EPS8L2: variants seen among roughly 807,000 people sequenced by gnomAD.
EPS8L2 encodes EPS8 signaling adaptor L2, also known as epidermal growth factor receptor kinase substrate 8-like protein 2.
Under a neutral mutation model 99.4 loss-of-function variants are expected in EPS8L2, and 81 were observed. The ratio of observed to expected loss-of-function variants is 0.82; its 90% CI spans 0.68 to 0.98. EPS8L2 has a LOEUF of 0.98. Among genes scored for constraint, EPS8L2 ranks in the 50% least tolerant of loss-of-function variants. EPS8L2 has a pLI of 0.00. For missense variants in EPS8L2, 1,155 were observed against 968.8 expected (o/e 1.19, Z -2.55); for synonymous variants, 509 against 407.3 (o/e 1.25, Z -3.01).
At chr11:721,790 A>G (rs571100216) in intron 10 of EPS8L2, 99 bp downstream of exon 10, 21 of 1,487,542 alleles carry the variant, frequency 1.4e-5, no homozygotes, top group Non-Finnish European at 1.8e-5. Context: ...CATGGGGGCT[A>G]CTCATGGAGG....
chr11:726,234 G>GGA (rs1209729298), intron 18 of EPS8L2, 64 bp downstream of exon 18: 1 of 1,566,498 alleles, frequency 6.4e-7, no homozygotes. Flanking sequence ...GGAAGTGTGG[G>GGA]GGGGGTCCCT....
At chr11:717,169 G>GT (rs1372945126) in intron 4 of EPS8L2, among the ~76,000 whole-genome samples, 1 of 152,088 alleles carries the variant, frequency 6.6e-6, no homozygotes, top group Non-Finnish European at 1.5e-5. Context: ...TAGAGACGGG[G>GT]TATCACCGTG....
chr11:720,284 G>C, intron 5 of EPS8L2, 61 bp downstream of exon 5: 1 of 1,554,846 alleles, frequency 6.4e-7, no homozygotes, highest in Non-Finnish European at 8.8e-7. Context: ...GCAGCCACCG[G>C]CTGCAGCCCG....
At chr11:714,069 T>G (rs1182256540) in intron 4 of EPS8L2, among the ~76,000 whole-genome samples, 1 of 152,218 alleles carries the variant, frequency 6.6e-6, no homozygotes, top group Non-Finnish European at 1.5e-5. Flanking sequence ...TTAATTTTTA[T>G]GATGTCCATT....
In EPS8L2 at chr11:721,160, G is replaced by A. The variant is rs1200038073; in HGVS notation, c.654G>A (p.Pro218=). 6.5e-7 allele frequency: 1 copy of A among 1,535,956 alleles called. No homozygotes were observed. The change falls in exon 8 of 21, where the codon CCG becomes CCA. Residue 218 remains proline, a synonymous_variant. Transcript: ENST00000318562. ...TCCAGCACCGCGGCGGGGATTCCCC[G>A]GAGGCCAAGAATCGCGTGGGCCCGC... The part of the protein sequence containing the change: ...IPFQHRGGDS[P]EAKNRVGPQV...
chr11:723,215 A>C, intron 14 of EPS8L2, 26 bp from the exon 15 acceptor site: 1 of 1,402,006 alleles, frequency 7.1e-7, no homozygotes, highest in South Asian at 1.2e-5. Context: ...CCCATGTCTA[A>C]CTCAGGTCGC....
chr11:710,506 T>A lies in EPS8L2; in HGVS notation c.165+20T>A, dbSNP rs775334536. ...GTCCAGGTAAGGCCCCGCCCCCAGG[T>A]AGGCTCCGCCCCCAGGGAGCACCCT... is the stretch of plus-strand genomic sequence containing the variant. On this transcript the variant is annotated intron_variant, in intron 4 of 20. Coordinates refer to ENST00000318562, the MANE Select transcript of EPS8L2 (RefSeq NM_022772.4). 2 of 1,610,428 alleles carry A rather than the reference T, an allele frequency of 1.2e-6. No individual in the cohort carries two copies. The highest frequency in any genetic ancestry group is 1.7e-5 in the Admixed American group (1 of 60,002).
Position 721,271 on chromosome 11 carries a change from G to C in EPS8L2, c.701-14G>C, listed in dbSNP as rs921493585. The C allele has an allele frequency of 1.9e-6, 3 of 1,539,556 alleles. No homozygotes were observed. Among genetic ancestry groups the C allele is most frequent in the Admixed American group, 2.0e-5 (1 of 50,796 alleles). The stretch of plus-strand genomic sequence containing the variant: ...GTGGGGGGCTCGGTGAGCAGCCGCC[G>C]TGTCCCCCATCAGGTTTCCGCCGTC... On this transcript the variant is annotated splice_polypyrimidine_tract_variant and intron_variant, in intron 8 of 20. Transcript: ENST00000318562.
At chr11:725,939 C>G in intron 17 of EPS8L2, 92 bp downstream of exon 17, 2 of 1,376,654 alleles carry the variant, frequency 1.5e-6, no homozygotes. Flanking sequence ...AGCCCCGCGG[C>G]TGGAGAGACT....
At position 720,924 on chromosome 11, in the gene EPS8L2, G is replaced by A. The variant is rs1354817893; in HGVS notation, c.557+15G>A. On this transcript the variant is annotated intron_variant, in intron 7 of 20. Transcript: ENST00000318562. ...CAGACCCTGAAGTAGGGCAGCGGGC[G>A]GAGCGGGGTCGCAGGGGGCGGGGAG... 4.6e-6 allele frequency: 7 copies of A among 1,528,718 alleles called. No individual in the cohort carries two copies. Among genetic ancestry groups the A allele is most frequent in the Non-Finnish European group, 6.1e-6 (7 of 1,143,756 alleles). The allele number at this position is 1,528,718 out of a possible 1,614,324, so 94.7% of individuals were successfully genotyped here.
chr11:723,179 C>A, intron 14 of EPS8L2, 62 bp from the exon 15 acceptor site: 1 of 802,506 alleles, frequency 1.2e-6, no homozygotes, highest in South Asian at 1.6e-5. Context: ...TGTCATATGC[C>A]CCCTCGTCCT....
intron 14 of EPS8L2, 131 bp downstream of exon 14, chr11:722,936 T>C (rs60684916): frequency 9.3e-6 from 2 of 216,146 alleles, no homozygotes; most frequent in Non-Finnish European, 1.5e-5. Context: ...CCCTCCCCAG[T>C]GCTCCCCTCC....
intron 4 of EPS8L2, among the ~76,000 whole-genome samples, chr11:711,204 A>G (rs542347247): frequency 1.3e-5 from 2 of 152,136 alleles, no homozygotes; most frequent in East Asian, 1.9e-4. Flanking sequence ...TTTCATTGAC[A>G]CGGAGAACTC....
intron 1 of EPS8L2, among the ~76,000 whole-genome samples, chr11:707,247 C>T (rs1590043933): frequency 6.6e-6 from 1 of 152,198 alleles, no homozygotes; most frequent in South Asian, 2.1e-4. Context: ...CTTTCCCACC[C>T]TCAGCTTCCC....
chr11:707,598 G>T (rs1197375158), intron 1 of EPS8L2, among the ~76,000 whole-genome samples: 1 of 152,204 alleles, frequency 6.6e-6, no homozygotes, highest in African/African-American at 2.4e-5. Context: ...GGCCAAAGAA[G>T]CCTCCCCAGG....
At chr11:719,829 G>A (rs918089654) in intron 4 of EPS8L2, among the ~76,000 whole-genome samples, 4 of 152,134 alleles carry the variant, frequency 2.6e-5, no homozygotes, top group African/African-American at 7.2e-5. Context: ...GCGCGGGGCC[G>A]GGCAGCAGTT....
intron 8 of EPS8L2, 36 bp from the exon 9 acceptor site, chr11:721,249 G>A (rs1862165724): frequency 1.3e-6 from 2 of 1,537,890 alleles, no homozygotes; most frequent in Non-Finnish European, 1.7e-6. Flanking sequence ...GCTCGTTGTG[G>A]GGGGCTCGGT....
chr11:709,853 C>T lies in EPS8L2; in HGVS notation c.100+245C>T, dbSNP rs774292069. The T allele has an allele frequency of 7.5e-5, 44 of 589,250 alleles. No individual in the cohort carries two copies. The Middle Eastern group carries it at 2.7e-3, about 37-fold the overall frequency. The allele number at this position is 589,250 out of a possible 1,614,324, so 36.5% of individuals were successfully genotyped here. ...TCAGGGAGCATCAATATTGATTCCG[C>T]TGCACTCATTGCTGTAACCTGATCA... On this transcript the variant is annotated intron_variant, in intron 3 of 20. Coordinates refer to ENST00000318562, the MANE Select transcript of EPS8L2 (RefSeq NM_022772.4).
intron 5 of EPS8L2, 172 bp from the exon 6 acceptor site, chr11:720,425 G>A: frequency 8.4e-7 from 1 of 1,193,100 alleles, no homozygotes; most frequent in Admixed American, 2.3e-5. Context: ...GCCGGGGTCA[G>A]CCTTGCGGTA....
Sources: allele counts gnomAD v4.1 joint callset (sites outside exome capture counted in the v4.1 genomes callset), GRCh38; gene constraint gnomAD v4.1.1; transcripts MANE v1.5; gene names NCBI Gene and HGNC (gene_info 2026-07-23, HGNC 2026-07-21).